GPR158: variants seen among roughly 807,000 people sequenced by gnomAD.
GPR158 encodes metabotropic glycine receptor.
In GPR158, 30 loss-of-function variants were observed where a neutral mutation model predicts 78.2. That is an observed-to-expected ratio of 0.38 (90% CI 0.29 to 0.52). The LOEUF (loss-of-function observed/expected upper bound fraction) is 0.52. Ranked by LOEUF, GPR158 falls within the 20% of genes least tolerant of loss-of-function variation. GPR158 has a pLI of 0.83. For synonymous variants in GPR158, 581 were observed against 591.1 expected (o/e 0.98, Z 0.25); for missense variants, 1,463 against 1,523.5 (o/e 0.96, Z 0.66).
Position 25,597,917 on chromosome 10 carries a change from C to CA in GPR158, c.2292dup (p.Val765SerfsTer7). On this transcript the variant is annotated frameshift_variant, in exon 11 of 11. Coordinates refer to ENST00000376351, the MANE Select transcript of GPR158 (RefSeq NM_020752.3). LOFTEE classifies it low-confidence loss of function (END_TRUNC). ...AGACGCATTACGGAGATCCCAGAGA[C>CA]AGTCAGCCGGCAGTGCTCTAAAGAG... 1 of 1,611,964 alleles carries CA rather than the reference C, an allele frequency of 6.2e-7. No individual in the cohort carries two copies. The highest frequency in any genetic ancestry group is 8.5e-7 in the Non-Finnish European group (1 of 1,178,978).
intron 7 of GPR158, among the ~76,000 whole-genome samples, chr10:25,576,057 G>T (rs926172900): frequency 2.5e-3 from 380 of 149,556 alleles, no homozygotes; most frequent in African/African-American, 8.8e-3. Flanking sequence ...TTCTGTTGTT[G>T]TTTTTTTTTT....
chr10:25,598,816 A>G lies in GPR158; in HGVS notation c.3190A>G (p.Lys1064Glu). 6.2e-7 allele frequency: 1 copy of G among 1,614,118 alleles called. No individual in the cohort carries two copies. The highest frequency in any genetic ancestry group is 1.1e-5 in the South Asian group (1 of 91,078). ...AAEVCQQSNQ[K>E]RIDKAEVCLW... Reference sequence around the variant, plus strand: ...TGAGGTTTGTCAGCAATCCAATCAGAAGCGCATAGATAAGGCTGAAGTATG... The same window carrying G: ...TGAGGTTTGTCAGCAATCCAATCAGGAGCGCATAGATAAGGCTGAAGTATG... Residue 1064 changes from lysine to glutamate, a missense_variant, in exon 11 of 11, where the codon AAG (lysine) becomes GAG (glutamate). Lys to Glu is a moderately conservative substitution (Grantham distance 56). Coordinates refer to ENST00000376351, the MANE Select transcript of GPR158 (RefSeq NM_020752.3).
chr10:25,561,255 C>T (rs990185323), intron 6 of GPR158, among the ~76,000 whole-genome samples: 5 of 151,988 alleles, frequency 3.3e-5, no homozygotes, highest in African/African-American at 1.2e-4. Context: ...AATAGTAAAA[C>T]ATTACATTTA....
chr10:25,307,694 A>G (rs1046712907), intron 2 of GPR158, among the ~76,000 whole-genome samples: 32 of 152,222 alleles, frequency 2.1e-4, no homozygotes, highest in Admixed American at 1.6e-3. Flanking sequence ...ATTCTACTCA[A>G]TAATATATTC....
chr10:25,223,473 T>C (rs1034622008), intron 2 of GPR158, among the ~76,000 whole-genome samples: 3 of 152,220 alleles, frequency 2.0e-5, no homozygotes, highest in Non-Finnish European at 2.9e-5. Context: ...CTGGTCACTC[T>C]AGGTACCTGC....
chr10:25,301,801 A>T (rs1042474554), intron 2 of GPR158, among the ~76,000 whole-genome samples: 1 of 151,002 alleles, frequency 6.6e-6, no homozygotes, highest in Non-Finnish European at 1.5e-5. Flanking sequence ...TTGGACAAAG[A>T]TATATGCCTG....
chr10:25,546,703 A>G (rs1335200), intron 5 of GPR158, among the ~76,000 whole-genome samples: 81,262 of 152,050 alleles, frequency 0.53, 22,738 homozygotes, highest in African/African-American at 0.69. Flanking sequence ...GAGAAAACCC[A>G]TGGTTGTCAC....
At chr10:25,548,799 T>A (rs1836695803) in intron 5 of GPR158, among the ~76,000 whole-genome samples, 1 of 152,204 alleles carries the variant, frequency 6.6e-6, no homozygotes, top group South Asian at 2.1e-4. Context: ...CATTTCTTAT[T>A]ATTTTAAAAC....
Position 25,311,069 on chromosome 10 carries a change from G to T in GPR158, c.1009-84842G>T, listed in dbSNP as rs905108311. Among the ~76,000 whole-genome samples the T allele has an allele frequency of 2.0e-5, 3 of 151,852 alleles. No individual in the cohort carries two copies. The East Asian group carries it at 5.8e-4, about 29-fold the overall frequency. Reference sequence around the variant, plus strand: ...TCCTCAGTCTCTTATTCATACATTAGCATCACACTATTTGAAATACAGAGA... The same window carrying T: ...TCCTCAGTCTCTTATTCATACATTATCATCACACTATTTGAAATACAGAGA... On this transcript the variant is annotated intron_variant, in intron 2 of 10. Coordinates refer to ENST00000376351, the MANE Select transcript of GPR158 (RefSeq NM_020752.3).
chr10:25,410,368 A>G (rs1052630408), intron 3 of GPR158, among the ~76,000 whole-genome samples: 8 of 152,198 alleles, frequency 5.3e-5, no homozygotes, highest in African/African-American at 1.7e-4. Context: ...CTGTAATCCC[A>G]GCACTTTGGG....
At chr10:25,444,204 C>A (rs1436698370) in intron 4 of GPR158, among the ~76,000 whole-genome samples, 1 of 149,870 alleles carries the variant, frequency 6.7e-6, no homozygotes, top group African/African-American at 2.5e-5. Context: ...TCTCAAAAAC[C>A]TGAATACTTC....
At chr10:25,319,997 A>G (rs769522768) in intron 2 of GPR158, among the ~76,000 whole-genome samples, 2 of 152,036 alleles carry the variant, frequency 1.3e-5, no homozygotes, top group African/African-American at 4.8e-5. Flanking sequence ...TTCCTCTATT[A>G]TATCTCTCCT....
chr10:25,553,583 C>G (rs1199954773), intron 6 of GPR158, among the ~76,000 whole-genome samples: 1 of 152,110 alleles, frequency 6.6e-6, no homozygotes, highest in African/African-American at 2.4e-5. Context: ...CCAGCTGAAC[C>G]AGCTTTGTGC....
intron 7 of GPR158, among the ~76,000 whole-genome samples, chr10:25,580,319 ATTGACATGC>A (rs1340650286): frequency 6.6e-6 from 1 of 152,178 alleles, no homozygotes; most frequent in Non-Finnish European, 1.5e-5. Flanking sequence ...ATTCTTCTTT[ATTGACATGC>A]TTTTCTCCTT....
chr10:25,268,201 A>G (rs2130740119), intron 2 of GPR158, among the ~76,000 whole-genome samples: 1 of 152,274 alleles, frequency 6.6e-6, no homozygotes, highest in South Asian at 2.1e-4. Flanking sequence ...AGCTTAAAGA[A>G]TACTCGTTAT....
intron 5 of GPR158, among the ~76,000 whole-genome samples, chr10:25,526,780 C>T (rs574894817): frequency 9.2e-5 from 14 of 152,238 alleles, no homozygotes; most frequent in African/African-American, 3.4e-4. Context: ...GCCAGACAAT[C>T]AAGAAACAAC....
intron 4 of GPR158, among the ~76,000 whole-genome samples, chr10:25,431,891 T>C (rs1277958682): frequency 6.6e-6 from 1 of 152,072 alleles, no homozygotes; most frequent in Non-Finnish European, 1.5e-5. Context: ...TTAGGAGATA[T>C]ACCTAATGCT....
At chr10:25,473,207 G>C (rs548383535) in intron 5 of GPR158, among the ~76,000 whole-genome samples, 4 of 139,340 alleles carry the variant, frequency 2.9e-5, no homozygotes, top group Non-Finnish European at 6.0e-5. Context: ...CATCTATTGA[G>C]ATAATCATGT....
chr10:25,498,243 C>T (rs926597898), intron 5 of GPR158, among the ~76,000 whole-genome samples: 2 of 152,202 alleles, frequency 1.3e-5, no homozygotes, highest in African/African-American at 4.8e-5. Flanking sequence ...AGAGTAACCA[C>T]TATCCCGACT....
Sources: gnomAD v4.1 joint callset for allele counts (sites outside exome capture counted in the v4.1 genomes callset) on GRCh38, gnomAD v4.1.1 for gene constraint, MANE v1.5 for transcripts, NCBI Gene and HGNC (gene_info 2026-07-23, HGNC 2026-07-21) for gene names.